Variants in SLC6A6 observed in about 807,000 individuals in gnomAD.
SLC6A6 encodes sodium- and chloride-dependent taurine transporter.
In SLC6A6, 16 loss-of-function variants were observed where a neutral mutation model predicts 68.8. The ratio of observed to expected loss-of-function variants is 0.23; its 90% CI spans 0.16 to 0.35. The LOEUF is 0.35. Ranked by LOEUF, SLC6A6 falls within the 10% of genes least tolerant of loss-of-function variation. The pLI is 1.00. For synonymous variants in SLC6A6, 312 were observed against 315.4 expected (o/e 0.99, Z 0.12); for missense variants, 474 against 802.8 (o/e 0.59, Z 4.95).
chr3:14,430,266 G>T (rs761362509), intron 2 of SLC6A6, among the ~76,000 whole-genome samples: 6 of 152,150 alleles, frequency 3.9e-5, no homozygotes, highest in Non-Finnish European at 5.9e-5. Flanking sequence ...GGGCTGACAT[G>T]GCAGGCATTT....
chr3:14,448,333 C>A, intron 5 of SLC6A6: 1 of 168,582 alleles, frequency 5.9e-6, no homozygotes, highest in Non-Finnish European at 1.3e-5. Context: ...GATTGTTCTG[C>A]TTGTTGGCAG....
At chr3:14,473,478 C>T (rs757891375) in intron 10 of SLC6A6, among the ~76,000 whole-genome samples, 1 of 152,072 alleles carries the variant, frequency 6.6e-6, no homozygotes, top group African/African-American at 2.4e-5. Flanking sequence ...TCCCCCTCCC[C>T]GCGGGCCGAA....
chr3:14,419,260 C>T (rs1238895699), intron 2 of SLC6A6, among the ~76,000 whole-genome samples: 1 of 152,208 alleles, frequency 6.6e-6, no homozygotes, highest in African/African-American at 2.4e-5. Context: ...GGCCCCCTGA[C>T]ATGGCAGGGG....
At position 14,468,350 on chromosome 3, in the gene SLC6A6, C is replaced by G. The variant is rs1700671052; in HGVS notation, c.1096+138C>G. 1.4e-6 allele frequency: 1 copy of G among 725,072 alleles called. No individual in the cohort carries two copies. The highest frequency in any genetic ancestry group is 2.2e-6 in the Non-Finnish European group (1 of 462,060). 44.9% of individuals were successfully genotyped at this position (725,072 alleles called of 1,614,324 possible). A position where few individuals can be genotyped will look rare whatever the true frequency, so the allele number is the denominator to read the frequency against. On this transcript the variant is annotated intron_variant, in intron 9 of 14. Coordinates refer to ENST00000622186, the MANE Select transcript of SLC6A6 (RefSeq NM_003043.6). This position sits in a 1 kb window ranked among gnomAD's most constrained non-coding sequence, Gnocchi z 4.5. ...TCTAAAATGGACCCCCCCCCCGCCA[C>G]CAAGATATCCCCCAAATTTCAAAGA...
chr3:14,478,146 C>CA (rs1700923086), intron 11 of SLC6A6, among the ~76,000 whole-genome samples: 1 of 152,278 alleles, frequency 6.6e-6, no homozygotes, highest in East Asian at 1.9e-4. Context: ...CCCCAGAAGT[C>CA]AGATTTTAGG....
intron 5 of SLC6A6, among the ~76,000 whole-genome samples, chr3:14,457,180 C>T (rs769959137): frequency 6.6e-6 from 1 of 152,112 alleles, no homozygotes; most frequent in African/African-American, 2.4e-5. Context: ...CTCCAAAGAC[C>T]CACGCTCTGC....
At chr3:14,414,618 T>G (rs1228232567) in intron 1 of SLC6A6, among the ~76,000 whole-genome samples, 3 of 152,130 alleles carry the variant, frequency 2.0e-5, no homozygotes, top group Non-Finnish European at 2.9e-5. Flanking sequence ...CTCAAACTTC[T>G]GGGCTCAAGC....
intron 6 of SLC6A6, among the ~76,000 whole-genome samples, chr3:14,464,893 C>G (rs899689752): frequency 6.6e-6 from 1 of 152,222 alleles, no homozygotes; most frequent in Non-Finnish European, 1.5e-5. Context: ...CCACCATGAA[C>G]TTTCTGCATG....
At chr3:14,447,875 ACTTC>A in intron 5 of SLC6A6, 59 bp downstream of exon 5, 1 of 1,593,890 alleles carries the variant, frequency 6.3e-7, no homozygotes, top group Non-Finnish European at 8.5e-7. Flanking sequence ...AGGATGGCCC[ACTTC>A]CTTATCTCCT....
At position 14,443,826 on chromosome 3, in the gene SLC6A6, C is replaced by T; in HGVS notation, c.192C>T (p.Val64=). Residue 64 remains valine (V), a synonymous_variant, in exon 3 of 15, where the codon GTC becomes GTT. Transcript: ENST00000622186. Reference sequence around the variant, plus strand: ...GCGGCTTCGTGGGCTTGGGCAACGTCTGGCGCTTCCCGTACCTCTGCTACA... The same window carrying T: ...GCGGCTTCGTGGGCTTGGGCAACGTTTGGCGCTTCCCGTACCTCTGCTACA... ...VAGGFVGLGN[V]WRFPYLCYKN... The T allele has an allele frequency of 6.2e-7, 1 of 1,614,084 alleles. No individual in the cohort carries two copies. The highest frequency in any genetic ancestry group is 8.5e-7 in the Non-Finnish European group (1 of 1,179,922).
At position 14,481,446 on chromosome 3, in the gene SLC6A6, C is replaced by G. The variant is rs547549810; in HGVS notation, c.1552-225C>G. Among the ~76,000 whole-genome samples the G allele has an allele frequency of 1.4e-3, 220 of 152,030 alleles. No homozygotes were observed. The highest frequency in any genetic ancestry group is 2.0e-3 in the Non-Finnish European group (134 of 67,996). Reference sequence around the variant, plus strand: ...CACCGAGGAGTTTGGGCTGCATCTGCTGGCACTGGGAGCCACAGAAGGGTT... The same window carrying G: ...CACCGAGGAGTTTGGGCTGCATCTGGTGGCACTGGGAGCCACAGAAGGGTT... On this transcript the variant is annotated intron_variant, in intron 13 of 14. Transcript: ENST00000622186. The surrounding 1 kb of genome is among the most constrained non-coding windows in gnomAD (Gnocchi z 4.7).
chr3:14,425,573 A>AGGAGT (rs1699576720), intron 2 of SLC6A6, among the ~76,000 whole-genome samples: 1 of 152,120 alleles, frequency 6.6e-6, no homozygotes, highest in African/African-American at 2.4e-5. Context: ...CTTGCCCCCA[A>AGGAGT]GGAGTAAAGG....
intron 3 of SLC6A6, among the ~76,000 whole-genome samples, chr3:14,445,102 G>A (rs1394278230): frequency 6.6e-6 from 1 of 152,226 alleles, no homozygotes; most frequent in Non-Finnish European, 1.5e-5. Flanking sequence ...GGAGGAGACA[G>A]GCAGGCAGTA....
At chr3:14,425,506 A>T (rs1447057627) in intron 2 of SLC6A6, among the ~76,000 whole-genome samples, 2 of 152,158 alleles carry the variant, frequency 1.3e-5, no homozygotes, top group Non-Finnish European at 2.9e-5. Context: ...TAGATGAGTC[A>T]ATTAAAAAGG....
intron 2 of SLC6A6, among the ~76,000 whole-genome samples, chr3:14,436,755 C>A (rs1255415040): frequency 7.2e-5 from 11 of 152,036 alleles, no homozygotes. Flanking sequence ...CAGTCCAGCA[C>A]GCCATCTGTC....
chr3:14,455,866 C>T (rs993618003), intron 5 of SLC6A6, among the ~76,000 whole-genome samples: 1 of 152,264 alleles, frequency 6.6e-6, no homozygotes, highest in African/African-American at 2.4e-5. Flanking sequence ...ATAGGGATGC[C>T]CCCTGCCCCA....
At chr3:14,432,596 T>A (rs1699750456) in intron 2 of SLC6A6, 1 of 152,372 alleles carries the variant, frequency 6.6e-6, no homozygotes, top group South Asian at 2.1e-4. Flanking sequence ...CTGCAGGCAG[T>A]GTGACCGTTG....
At position 14,486,976 on chromosome 3, in the gene SLC6A6, G is replaced by GT. The variant is rs1436171475; in HGVS notation, c.*1975dup. The GT allele has an allele frequency of 6.6e-6, 1 of 152,452 alleles. No homozygotes were observed. The highest frequency in any genetic ancestry group is 1.5e-5 in the Non-Finnish European group (1 of 68,042). 9.4% of individuals were successfully genotyped at this position (152,452 alleles called of 1,614,324 possible). ...CGTTTGTGTCTGATTTGATTTTACT[G>GT]TTTTTTCCCTGATTTTATGGAGTAG... On this transcript the variant is annotated 3_prime_UTR_variant, in exon 15 of 15. Transcript: ENST00000622186.
intron 2 of SLC6A6, among the ~76,000 whole-genome samples, chr3:14,441,543 G>A (rs956046990): frequency 3.3e-5 from 5 of 152,216 alleles, no homozygotes; most frequent in African/African-American, 9.6e-5. Flanking sequence ...TCTGCTGGCC[G>A]CCAGATAGTG....
Sources: allele counts gnomAD v4.1 joint callset (sites outside exome capture counted in the v4.1 genomes callset), GRCh38; gene constraint gnomAD v4.1.1; non-coding constraint Gnocchi (gnomAD v3.1); transcripts MANE v1.5; gene names NCBI Gene and HGNC (gene_info 2026-07-23, HGNC 2026-07-21).